FRMD4A: variants seen among roughly 807,000 people sequenced by gnomAD.
FRMD4A encodes the protein FERM domain-containing protein 4A.
In FRMD4A, 29 loss-of-function variants were observed where a neutral mutation model predicts 129.1. The observed-to-expected ratio is 0.22, with a 90% CI of 0.17 to 0.31. The LOEUF (loss-of-function observed/expected upper bound fraction) is 0.31, where lower values mean the gene tolerates loss of function less well. Ranked by LOEUF, FRMD4A falls within the 10% of genes least tolerant of loss-of-function variation. The pLI is 1.00. For missense variants in FRMD4A, 1,272 were observed against 1,375.8 expected, an observed-to-expected ratio of 0.92 and a Z score of 1.19; for synonymous variants, 634 against 571.6, an observed-to-expected ratio of 1.11 and a Z score of -1.56.
intron 2 of FRMD4A, among the ~76,000 whole-genome samples, chr10:14,165,258 A>T (rs1173998788): frequency 3.3e-5 from 5 of 152,258 alleles, no homozygotes; most frequent in African/African-American, 9.6e-5. Context: ...AAGCATATGA[A>T]AAAATGCTCA....
intron 2 of FRMD4A, among the ~76,000 whole-genome samples, chr10:14,250,851 G>A (rs1463996942): frequency 6.6e-6 from 1 of 152,216 alleles, no homozygotes; most frequent in Non-Finnish European, 1.5e-5. Context: ...GTCTCTGGGA[G>A]TGATGTCCAG....
chr10:14,138,334 C>T (rs556271173), intron 2 of FRMD4A, among the ~76,000 whole-genome samples: 1 of 152,248 alleles, frequency 6.6e-6, no homozygotes, highest in Non-Finnish European at 1.5e-5. Context: ...CTCTCTACAG[C>T]CTCTTCCTAC....
chr10:13,985,570 T>C (rs1477584822), intron 2 of FRMD4A, among the ~76,000 whole-genome samples: 2 of 152,162 alleles, frequency 1.3e-5, no homozygotes, highest in Non-Finnish European at 2.9e-5. Context: ...AGGATCCTTT[T>C]AGATGTGAAG....
chr10:13,753,736 G>C (rs1457930979), intron 8 of FRMD4A, among the ~76,000 whole-genome samples: 1 of 151,774 alleles, frequency 6.6e-6, no homozygotes, highest in Admixed American at 6.6e-5. Flanking sequence ...GTAGAGATGA[G>C]GTCTCACTAT....
At chr10:13,945,338 G>A (rs1364295085) in intron 2 of FRMD4A, among the ~76,000 whole-genome samples, 3 of 152,062 alleles carry the variant, frequency 2.0e-5, no homozygotes, top group Admixed American at 2.0e-4. Context: ...TTTGTCATGT[G>A]ATTTTTTTTA....
chr10:13,882,360 G>A (rs905444206), intron 2 of FRMD4A, among the ~76,000 whole-genome samples: 19 of 152,184 alleles, frequency 1.2e-4, no homozygotes, highest in African/African-American at 3.1e-4. Flanking sequence ...TCCGAGCAAC[G>A]CAGAAAGAGG....
intron 2 of FRMD4A, among the ~76,000 whole-genome samples, chr10:14,120,535 A>G (rs1219826139): frequency 6.6e-6 from 1 of 152,230 alleles, no homozygotes; most frequent in African/African-American, 2.4e-5. Context: ...TACTCAGTAG[A>G]TTATTAATTC....
At chr10:13,889,921 G>T (rs1476391838) in intron 2 of FRMD4A, among the ~76,000 whole-genome samples, 3 of 152,148 alleles carry the variant, frequency 2.0e-5, no homozygotes, top group Non-Finnish European at 4.4e-5. Context: ...TAAATTAATT[G>T]CAGCTATTTA....
rs576975709 is a variant in FRMD4A, at chr10:14,277,988, C to T, written c.45+52070G>A. On this transcript the variant is annotated intron_variant, in intron 2 of 24. Coordinates refer to ENST00000357447, the MANE Select transcript of FRMD4A (RefSeq NM_018027.5). ...ATGTTTTGAATGGTTGAATGGTGCT[C>T]AGTTCCCCCAGTGCCTTCTTCCCAA... Among the ~76,000 whole-genome samples the T allele has an allele frequency of 3.7e-4, 57 of 152,316 alleles. 1 individual carries two copies. In the South Asian group the frequency reaches 0.011, roughly 29 times the overall value.
chr10:13,995,886 G>A (rs2095620891), intron 2 of FRMD4A, among the ~76,000 whole-genome samples: 1 of 151,902 alleles, frequency 6.6e-6, no homozygotes, highest in African/African-American at 2.4e-5. Flanking sequence ...CCCAGAGCTG[G>A]GGCTCAGCAG....
At chr10:14,020,075 A>G (rs1329994565) in intron 2 of FRMD4A, among the ~76,000 whole-genome samples, 1 of 152,192 alleles carries the variant, frequency 6.6e-6, no homozygotes, top group South Asian at 2.1e-4. Flanking sequence ...GGCACTGCCA[A>G]CACTTCTGGA....
chr10:14,104,450 T>A (rs77139895), intron 2 of FRMD4A, among the ~76,000 whole-genome samples: 5,341 of 152,308 alleles, frequency 0.035, 143 homozygotes, highest in Non-Finnish European at 0.052. Flanking sequence ...AGAACCCCAA[T>A]CTACTTCTCT....
chr10:13,856,796 AT>A (rs1271267874), intron 3 of FRMD4A, among the ~76,000 whole-genome samples: 6 of 152,094 alleles, frequency 3.9e-5, no homozygotes, highest in Non-Finnish European at 8.8e-5. Flanking sequence ...AATTAAATCT[AT>A]TTTTTTCTGA....
intron 2 of FRMD4A, among the ~76,000 whole-genome samples, chr10:13,923,916 A>C (rs2698119): frequency 0.78 from 118,850 of 152,070 alleles, 47,124 homozygotes; most frequent in East Asian, 0.95. Flanking sequence ...AGATAGACAA[A>C]ATAAACCTGC....
At chr10:13,908,923 G>T (rs1421873752) in intron 2 of FRMD4A, among the ~76,000 whole-genome samples, 1 of 152,152 alleles carries the variant, frequency 6.6e-6, no homozygotes, top group African/African-American at 2.4e-5. Context: ...ATTTATGTGG[G>T]AATCTTATAT....
intron 2 of FRMD4A, among the ~76,000 whole-genome samples, chr10:14,157,999 G>A (rs928397649): frequency 2.0e-5 from 3 of 152,188 alleles, no homozygotes; most frequent in African/African-American, 7.2e-5. Flanking sequence ...ATAAGGGCCA[G>A]GGAAACCATG....
rs143203491 is a variant in FRMD4A, at chr10:14,196,928, C to A, written c.45+133130G>T. 8.1e-3 allele frequency among the ~76,000 whole-genome samples: 1,227 copies of A among 152,250 alleles called. 12 individuals are homozygous for A. Among genetic ancestry groups the A allele is most frequent in the South Asian group, 0.046 (224 of 4,818 alleles). On this transcript the variant is annotated intron_variant, in intron 2 of 24. Transcript: ENST00000357447. Reference sequence around the variant, plus strand: ...TCAAGGCCAGGCAGGGGAAGGCAGGCAACCCTGTCTAGGGTCCATGCAATG... The same window carrying A: ...TCAAGGCCAGGCAGGGGAAGGCAGGAAACCCTGTCTAGGGTCCATGCAATG...
intron 2 of FRMD4A, among the ~76,000 whole-genome samples, chr10:14,221,425 G>C (rs1244077559): frequency 6.6e-6 from 1 of 152,178 alleles, no homozygotes; most frequent in African/African-American, 2.4e-5. Flanking sequence ...CCAAATACAG[G>C]CTCTTTTATC....
chr10:13,846,906 G>T (rs1049735278), intron 3 of FRMD4A, among the ~76,000 whole-genome samples: 2 of 152,188 alleles, frequency 1.3e-5, no homozygotes, highest in South Asian at 2.1e-4. Flanking sequence ...TAGGCAGGGT[G>T]GCAAGGAGCT....
Sources: gnomAD v4.1 joint callset for allele counts (sites outside exome capture counted in the v4.1 genomes callset) on GRCh38, gnomAD v4.1.1 for gene constraint, MANE v1.5 for transcripts, NCBI Gene and HGNC (gene_info 2026-07-23, HGNC 2026-07-21) for gene names.